The following TENM2 variants were observed in gnomAD, a reference collection of about 807,000 sequenced individuals.
The protein encoded by TENM2 is teneurin transmembrane protein 2, also known as teneurin-2.
In TENM2, 52 loss-of-function variants were observed where a neutral mutation model predicts 245.2. The ratio of observed to expected loss-of-function variants is 0.21; its 90% confidence interval spans 0.17 to 0.27. TENM2 has a LOEUF of 0.27. Ranked by LOEUF, TENM2 falls within the 10% of genes least tolerant of loss-of-function variation. The pLI, the probability that TENM2 is intolerant of heterozygous loss-of-function variation, is 1.00. For missense variants in TENM2, 3,046 were observed against 3,666.8 expected (o/e 0.83, Z 4.37); for synonymous variants, 1,363 against 1,438.9 (o/e 0.95, Z 1.19).
At chr5:168,112,582 T>G (rs72826903) in intron 9 of TENM2, among the ~76,000 whole-genome samples, 5,188 of 128,158 alleles carry the variant, frequency 0.04, 146 homozygotes, top group Non-Finnish European at 0.055. Flanking sequence ...ATGGAATTTA[T>G]TTTTGAATAC....
At chr5:166,995,640 A>T in the TENM2 span, among the ~76,000 whole-genome samples, 1 of 148,778 alleles carries the variant, frequency 6.7e-6, no homozygotes, top group East Asian at 2.0e-4. Flanking sequence ...ACATGGTGAA[A>T]CCCCATCTCT....
At chr5:167,137,471 T>G in the TENM2 span, among the ~76,000 whole-genome samples, 1 of 152,124 alleles carries the variant, frequency 6.6e-6, no homozygotes, top group Admixed American at 6.5e-5. Context: ...GTGCCACACT[T>G]AGGGAATGCT....
intron 8 of TENM2, among the ~76,000 whole-genome samples, chr5:168,097,498 C>G (rs888020121): frequency 6.6e-6 from 1 of 152,152 alleles, no homozygotes; most frequent in East Asian, 1.9e-4. Context: ...AATCTCAGCT[C>G]ACTGCAACCT....
chr5:168,245,486 C>T (rs1392991946), intron 26 of TENM2, among the ~76,000 whole-genome samples: 2 of 151,386 alleles, frequency 1.3e-5, no homozygotes, highest in Non-Finnish European at 2.9e-5. Flanking sequence ...TGAAACAGCC[C>T]ATGAATTCTC....
intron 2 of TENM2, among the ~76,000 whole-genome samples, chr5:167,823,543 A>C (rs1352711716): frequency 6.6e-6 from 1 of 152,168 alleles, no homozygotes; most frequent in African/African-American, 2.4e-5. Flanking sequence ...ATGCAAGGGC[A>C]GTATTTTCTT....
chr5:167,718,018 G>T (rs941913718), intron 2 of TENM2, among the ~76,000 whole-genome samples: 1 of 152,070 alleles, frequency 6.6e-6, no homozygotes, highest in Non-Finnish European at 1.5e-5. Flanking sequence ...ATCTTTGAAG[G>T]TCTCTGCTGT....
the TENM2 span, among the ~76,000 whole-genome samples, chr5:167,111,370 A>G: frequency 6.6e-6 from 1 of 152,166 alleles, no homozygotes; most frequent in African/African-American, 2.4e-5. Flanking sequence ...GTTCACTGAT[A>G]TGGTTTTTAT....
chr5:167,192,564 A>G, the TENM2 span, among the ~76,000 whole-genome samples: 2 of 152,192 alleles, frequency 1.3e-5, no homozygotes, highest in East Asian at 1.9e-4. Context: ...ATATGGTACT[A>G]CAAAAGAAGA....
intron 17 of TENM2, among the ~76,000 whole-genome samples, chr5:168,201,531 A>G (rs1761941248): frequency 1.3e-5 from 2 of 152,000 alleles, no homozygotes; most frequent in Admixed American, 6.6e-5. Flanking sequence ...CAAGCCCTAG[A>G]CGTCACATCA....
At chr5:168,144,110 C>T (rs1174240860) in intron 12 of TENM2, among the ~76,000 whole-genome samples, 7 of 151,804 alleles carry the variant, frequency 4.6e-5, no homozygotes, top group Non-Finnish European at 7.4e-5. Flanking sequence ...CCGCCTGCCT[C>T]GGCCTCCCAA....
At chr5:167,801,193 G>A (rs903655039) in intron 2 of TENM2, among the ~76,000 whole-genome samples, 10 of 139,408 alleles carry the variant, frequency 7.2e-5, no homozygotes, top group Non-Finnish European at 1.5e-4. Flanking sequence ...AATGCTGTGC[G>A]AGCTGAGAAT....
At chr5:167,846,339 C>T (rs1770037039) in intron 2 of TENM2, among the ~76,000 whole-genome samples, 1 of 152,242 alleles carries the variant, frequency 6.6e-6, no homozygotes, top group Admixed American at 6.5e-5. Flanking sequence ...TAGAAAAGTG[C>T]TCAGTCCAGA....
At chr5:167,698,179 AG>A (rs1757893732) in intron 2 of TENM2, among the ~76,000 whole-genome samples, 2 of 152,048 alleles carry the variant, frequency 1.3e-5, no homozygotes, top group East Asian at 3.9e-4. Flanking sequence ...TCTTTTCCTT[AG>A]TTTCTCCTTT....
chr5:167,496,451 C>A (rs1213134158), intron 2 of TENM2, among the ~76,000 whole-genome samples: 1 of 152,034 alleles, frequency 6.6e-6, no homozygotes, highest in Non-Finnish European at 1.5e-5. Flanking sequence ...GTTAGTAATC[C>A]TTTTCTCTTT....
At chr5:167,669,208 T>C (rs928393180) in intron 2 of TENM2, among the ~76,000 whole-genome samples, 1 of 152,174 alleles carries the variant, frequency 6.6e-6, no homozygotes, top group Non-Finnish European at 1.5e-5. Context: ...CTCTAGCAGT[T>C]TGTGGTTTGT....
the TENM2 span, among the ~76,000 whole-genome samples, chr5:167,267,041 C>G: frequency 6.6e-6 from 1 of 152,094 alleles, no homozygotes; most frequent in African/African-American, 2.4e-5. Flanking sequence ...TTTAAAAAAT[C>G]CTACTGTTTC....
At chr5:167,769,924 G>T (rs925690794) in intron 2 of TENM2, among the ~76,000 whole-genome samples, 1 of 151,994 alleles carries the variant, frequency 6.6e-6, no homozygotes, top group Admixed American at 6.5e-5. Context: ...TTTTTCCCCA[G>T]TAAAGACAGA....
At chr5:168,211,862 C>T in intron 20 of TENM2, 108 bp downstream of exon 22, 2 of 643,046 alleles carry the variant, frequency 3.1e-6, no homozygotes, top group Non-Finnish European at 2.6e-6. Context: ...TTTTTATGTA[C>T]CAAATATAGT....
chr5:167,474,414 A>G (rs1433676827), intron 2 of TENM2, among the ~76,000 whole-genome samples: 1 of 152,178 alleles, frequency 6.6e-6, no homozygotes, highest in East Asian at 1.9e-4. Flanking sequence ...TTTTATTCCA[A>G]TCCACAAGAA....
Sources: allele counts gnomAD v4.1 joint callset (sites outside exome capture counted in the v4.1 genomes callset), GRCh38; gene constraint gnomAD v4.1.1; transcripts MANE v1.5; gene names NCBI Gene and HGNC (gene_info 2026-07-23, HGNC 2026-07-21).